The following EYS variants were observed in gnomAD, a reference collection of about 807,000 sequenced individuals.
EYS encodes protein eyes shut homolog.
A neutral mutation model predicts 282.1 loss-of-function variants in EYS; 250 were observed. The ratio of observed to expected loss-of-function variants is 0.89; its 90% CI spans 0.80 to 0.98. EYS has a LOEUF of 0.98. EYS is among the 50% of genes least tolerant of loss of function. The pLI is 0.00. For synonymous variants in EYS, 1,355 were observed against 1,282.9 expected (o/e 1.06, Z -1.20); for missense variants, 4,016 against 3,709.0 (o/e 1.08, Z -2.15).
At chr6:64,527,065 C>A (rs1186826447) in intron 26 of EYS, among the ~76,000 whole-genome samples, 1 of 151,614 alleles carries the variant, frequency 6.6e-6, no homozygotes, top group Non-Finnish European at 1.5e-5. Context: ...TAAAACATTT[C>A]TTTCTGGTGA....
intron 22 of EYS, among the ~76,000 whole-genome samples, chr6:64,644,861 A>G (rs1768294895): frequency 6.6e-6 from 1 of 152,304 alleles, no homozygotes; most frequent in East Asian, 1.9e-4. Flanking sequence ...CTCTGAATAA[A>G]AAAGATGTAC....
In EYS at chr6:64,846,506, A is replaced by G. The variant is rs190857493; in HGVS notation, c.2993-23684T>C. Among the ~76,000 whole-genome samples the G allele has an allele frequency of 5.9e-5, 9 of 152,240 alleles. No individual in the cohort carries two copies. The East Asian group carries it at 9.6e-4, about 16-fold the overall frequency. ...AACAAATGGGATCTAAATTATCTCA[A>G]GTATAAGAAGAAAAAATTTAGTTTT... On this transcript the variant is annotated intron_variant, in intron 19 of 42. Coordinates refer to ENST00000503581, the MANE Select transcript of EYS (RefSeq NM_001142800.2).
intron 9 of EYS, 92 bp downstream of exon 9, chr6:65,353,366 T>C (rs1267487370): frequency 2.8e-6 from 3 of 1,079,382 alleles, no homozygotes; most frequent in African/African-American, 3.2e-5. Flanking sequence ...TTTTGAGATA[T>C]AAAATACTTT....
chr6:64,316,912 C>T (rs1427885424), intron 29 of EYS, among the ~76,000 whole-genome samples: 2 of 152,028 alleles, frequency 1.3e-5, no homozygotes, highest in African/African-American at 4.8e-5. Context: ...TACCACCACA[C>T]ATCTACAACC....
At chr6:65,133,709 G>A (rs971564912) in intron 12 of EYS, among the ~76,000 whole-genome samples, 3 of 152,000 alleles carry the variant, frequency 2.0e-5, no homozygotes, top group African/African-American at 7.2e-5. Flanking sequence ...CACAGAAACA[G>A]GCAAACCTTT....
chr6:65,378,169 A>G (rs1341798247), intron 8 of EYS, among the ~76,000 whole-genome samples: 1 of 152,182 alleles, frequency 6.6e-6, no homozygotes, highest in African/African-American at 2.4e-5. Context: ...TGTACAAAGA[A>G]CTTAAACAAA....
chr6:65,663,718 C>T (rs1221140279), intron 1 of EYS, among the ~76,000 whole-genome samples: 1 of 152,172 alleles, frequency 6.6e-6, no homozygotes, highest in East Asian at 1.9e-4. Flanking sequence ...GTCTCGCTCT[C>T]TTGCCCAGGC....
intron 1 of EYS, among the ~76,000 whole-genome samples, chr6:65,661,751 C>A (rs1768008367): frequency 6.6e-6 from 1 of 152,000 alleles, no homozygotes; most frequent in East Asian, 1.9e-4. Flanking sequence ...ATTATATGAG[C>A]AAATGTATGA....
chr6:63,897,736 T>C (rs1773568799), intron 35 of EYS, among the ~76,000 whole-genome samples: 2 of 152,232 alleles, frequency 1.3e-5, no homozygotes. Context: ...CTGGGCCATC[T>C]GGTTCAGGTA....
At chr6:64,188,456 C>T (rs1394831941) in intron 31 of EYS, among the ~76,000 whole-genome samples, 2 of 152,084 alleles carry the variant, frequency 1.3e-5, no homozygotes, top group Non-Finnish European at 1.5e-5. Context: ...ATGTCTCAAT[C>T]GCTTTTTAGT....
chr6:65,115,300 A>T (rs1456140558), intron 12 of EYS, among the ~76,000 whole-genome samples: 4 of 152,108 alleles, frequency 2.6e-5, no homozygotes, highest in African/African-American at 9.7e-5. Flanking sequence ...GAAGTTTTCA[A>T]TGACCTAATG....
intron 31 of EYS, among the ~76,000 whole-genome samples, chr6:64,122,842 A>G (rs2150275263): frequency 6.6e-6 from 1 of 152,294 alleles, no homozygotes; most frequent in South Asian, 2.1e-4. Flanking sequence ...TAGATTTATG[A>G]TGCAAAAAGT....
intron 19 of EYS, among the ~76,000 whole-genome samples, chr6:64,871,114 G>A (rs1244667438): frequency 6.6e-6 from 1 of 151,790 alleles, no homozygotes; most frequent in Admixed American, 6.6e-5. Context: ...TCAAAATTAA[G>A]TTTCTACGAT....
intron 31 of EYS, among the ~76,000 whole-genome samples, chr6:64,141,114 C>G (rs568035795): frequency 3.9e-5 from 6 of 152,240 alleles, no homozygotes; most frequent in African/African-American, 1.4e-4. Context: ...GGCAAACTCC[C>G]AAATATAAAT....
intron 12 of EYS, among the ~76,000 whole-genome samples, chr6:65,221,998 A>G (rs536753447): frequency 6.6e-6 from 1 of 152,232 alleles, no homozygotes; most frequent in South Asian, 2.1e-4. Flanking sequence ...AATTTCTCCC[A>G]TTTGAAATGG....
At chr6:65,248,742 AG>A (rs922739339) in intron 12 of EYS, among the ~76,000 whole-genome samples, 41 of 152,172 alleles carry the variant, frequency 2.7e-4, no homozygotes, top group African/African-American at 9.4e-4. Flanking sequence ...AAAAAAAAAT[AG>A]ATTTGTTGTG....
intron 33 of EYS, among the ~76,000 whole-genome samples, chr6:64,035,557 A>G (rs1050123866): frequency 2.0e-5 from 3 of 152,208 alleles, no homozygotes; most frequent in Non-Finnish European, 2.9e-5. Context: ...TCACCTGCCT[A>G]TGAAGAAGTA....
At chr6:64,275,658 T>C (rs1768085498) in intron 30 of EYS, among the ~76,000 whole-genome samples, 1 of 151,446 alleles carries the variant, frequency 6.6e-6, no homozygotes. Context: ...ACTCGTGATC[T>C]GTGTGCCTTA....
intron 30 of EYS, among the ~76,000 whole-genome samples, chr6:64,258,432 C>G (rs2150351701): frequency 6.6e-6 from 1 of 152,076 alleles, no homozygotes; most frequent in Middle Eastern, 3.4e-3. Flanking sequence ...CTGTTTAATA[C>G]AAATGCAGGA....
Sources: gnomAD v4.1 joint callset for allele counts (sites outside exome capture counted in the v4.1 genomes callset) on GRCh38, gnomAD v4.1.1 for gene constraint, MANE v1.5 for transcripts, NCBI Gene and HGNC (gene_info 2026-07-23, HGNC 2026-07-21) for gene names.